Variants in LASP1 observed in about 807,000 individuals in gnomAD.
LASP1 encodes the protein LIM and SH3 domain protein 1.
In LASP1, 10 loss-of-function variants were observed where a neutral mutation model predicts 38.6. That is an observed-to-expected ratio of 0.26 (90% CI 0.16 to 0.44). The LOEUF (loss-of-function observed/expected upper bound fraction) is 0.44. LASP1 is among the 20% of genes least tolerant of loss of function. The pLI is 1.00. For synonymous variants in LASP1, 132 were observed against 140.8 expected (o/e 0.94, Z 0.44); for missense variants, 243 against 375.7 (o/e 0.65, Z 2.92).
At chr17:38,907,918 GA>G (rs1463221320) in intron 4 of LASP1, among the ~76,000 whole-genome samples, 2 of 152,182 alleles carry the variant, frequency 1.3e-5, no homozygotes, top group African/African-American at 4.8e-5. Flanking sequence ...CTTATTTACA[GA>G]TGAGGAAACT....
intron 2 of LASP1, among the ~76,000 whole-genome samples, chr17:38,887,694 G>A (rs1291601962): frequency 6.6e-6 from 1 of 152,188 alleles, no homozygotes; most frequent in African/African-American, 2.4e-5. Context: ...ACTGGCCCAA[G>A]GGAAAAAGGA....
Position 38,870,145 on chromosome 17 carries a change from A to G in LASP1, c.-45A>G. 1 of 1,606,098 alleles carries G rather than the reference A, an allele frequency of 6.2e-7. No individual in the cohort carries two copies. The highest frequency in any genetic ancestry group is 1.1e-5 in the South Asian group (1 of 90,920). On this transcript the variant is annotated 5_prime_UTR_variant, in exon 1 of 7. Transcript: ENST00000318008. The stretch of plus-strand genomic sequence containing the variant: ...CCGCCAGCTCGCCTCGGGGAACAGG[A>G]CGCGCGTGAGCTCAGGCGTCCCCGC...
In LASP1 at chr17:38,878,963, CTCCCA is replaced by C. The variant is rs539274809; in HGVS notation, c.164+805_164+809del. The stretch of plus-strand genomic sequence containing the variant: ...CCCAGAGCCTGGAGGAATACCTCCC[CTCCCA>C]TCCCATCCCATCCCATCCCATGCAA... On this transcript the variant is annotated intron_variant, in intron 2 of 6. Coordinates refer to ENST00000318008, the MANE Select transcript of LASP1 (RefSeq NM_006148.4). Among the ~76,000 whole-genome samples, 272 of 151,948 alleles carry C rather than the reference CTCCCA, an allele frequency of 1.8e-3. 2 individuals carry two copies. Among genetic ancestry groups the C allele is most frequent in the East Asian group, 0.012 (60 of 5,146 alleles).
intron 1 of LASP1, among the ~76,000 whole-genome samples, chr17:38,871,903 T>C (rs550408215): frequency 6.6e-6 from 1 of 152,202 alleles, no homozygotes; most frequent in East Asian, 1.9e-4. Context: ...AAGTCTCCCC[T>C]TGAGAATGTA....
At chr17:38,897,108 A>G (rs1223830670) in intron 3 of LASP1, 1 of 981,314 alleles carries the variant, frequency 1.0e-6, no homozygotes, top group South Asian at 4.7e-5. Context: ...TGGTGCCTCT[A>G]TCCACTGCAT....
chr17:38,889,383 G>A (rs1047948121), intron 2 of LASP1, among the ~76,000 whole-genome samples: 7 of 152,146 alleles, frequency 4.6e-5, no homozygotes, highest in Non-Finnish European at 8.8e-5. Flanking sequence ...GCCCGCCTCG[G>A]CCTCCCAAAG....
chr17:38,879,607 G>A (rs1598105084), intron 2 of LASP1, among the ~76,000 whole-genome samples: 1 of 142,628 alleles, frequency 7.0e-6, no homozygotes, highest in Non-Finnish European at 1.5e-5. Flanking sequence ...GAGGCTCTTT[G>A]CAGCTGAAGT....
chr17:38,874,128 G>T (rs1913688692), intron 1 of LASP1: 1 of 152,576 alleles, frequency 6.6e-6, no homozygotes, highest in South Asian at 2.1e-4. Context: ...GGTCTGTCTG[G>T]TTTCTGTGAA....
intron 2 of LASP1, among the ~76,000 whole-genome samples, chr17:38,878,652 T>C (rs891347168): frequency 6.6e-6 from 1 of 152,142 alleles, no homozygotes; most frequent in Non-Finnish European, 1.5e-5. Flanking sequence ...TTCTCTCACC[T>C]GGGTACTTCT....
At chr17:38,910,617 T>A (rs1294134021) in intron 4 of LASP1, among the ~76,000 whole-genome samples, 2 of 152,134 alleles carry the variant, frequency 1.3e-5, no homozygotes, top group Non-Finnish European at 2.9e-5. Context: ...AGAGCTTTTT[T>A]CCAAAATGCA....
intron 3 of LASP1, among the ~76,000 whole-genome samples, chr17:38,892,617 C>T (rs1567698993): frequency 6.6e-6 from 1 of 152,022 alleles, no homozygotes. Flanking sequence ...AATTCAAACC[C>T]CTCAGCCTTT....
chr17:38,914,453 C>T lies in LASP1; in HGVS notation c.486C>T (p.His162=). The change falls in exon 5 of 7, where the codon CAC becomes CAT. Residue 162 remains histidine, a synonymous_variant. Coordinates refer to ENST00000318008, the MANE Select transcript of LASP1 (RefSeq NM_006148.4). ...YRRPLEQQQP[H]HIPTSAPVYQ... ...GGCCCCTGGAGCAGCAGCAGCCTCA[C>T]CACATCCCGACCAGTGCCCCGGGTG... 1 of 1,608,896 alleles carries T rather than the reference C, an allele frequency of 6.2e-7. No individual in the cohort carries two copies. The highest frequency in any genetic ancestry group is 8.5e-7 in the Non-Finnish European group (1 of 1,178,492).
intron 6 of LASP1, chr17:38,915,938 C>T (rs1410392702): frequency 6.6e-6 from 1 of 152,196 alleles, no homozygotes; most frequent in Non-Finnish European, 1.5e-5. Flanking sequence ...ATAAAATCGC[C>T]TGAGATAATG....
At chr17:38,917,224 A>G (rs1018715667) in intron 6 of LASP1, among the ~76,000 whole-genome samples, 3 of 152,132 alleles carry the variant, frequency 2.0e-5, no homozygotes, top group African/African-American at 7.2e-5. Context: ...GGCTCAGCCC[A>G]AGATAGAGGC....
intron 2 of LASP1, among the ~76,000 whole-genome samples, chr17:38,882,170 C>T (rs1913972478): frequency 6.6e-6 from 1 of 152,212 alleles, no homozygotes. Flanking sequence ...AGCCATGCAG[C>T]CAATGCTGTG....
intron 4 of LASP1, among the ~76,000 whole-genome samples, chr17:38,910,628 T>C (rs1034067507): frequency 2.0e-5 from 3 of 152,064 alleles, no homozygotes; most frequent in African/African-American, 7.2e-5. Flanking sequence ...CCAAAATGCA[T>C]ATTCCAGAAC....
intron 4 of LASP1, among the ~76,000 whole-genome samples, chr17:38,903,251 G>C (rs1914693211): frequency 6.6e-6 from 1 of 152,180 alleles, no homozygotes; most frequent in Non-Finnish European, 1.5e-5. Flanking sequence ...GGGCCAGGCA[G>C]GGCTCTTTGA....
chr17:38,898,691 GT>G, intron 4 of LASP1, 172 bp downstream of exon 4: 5 of 675,064 alleles, frequency 7.4e-6, no homozygotes, highest in Non-Finnish European at 1.4e-5. Flanking sequence ...CCTCTTCTCT[GT>G]GTACCCCCAG....
intron 3 of LASP1, among the ~76,000 whole-genome samples, chr17:38,897,241 C>T (rs1253470031): frequency 6.6e-6 from 1 of 152,244 alleles, no homozygotes; most frequent in African/African-American, 2.4e-5. Flanking sequence ...AGGACTCTGA[C>T]CCCCACAGGC....
Sources: allele counts gnomAD v4.1 joint callset (sites outside exome capture counted in the v4.1 genomes callset), GRCh38; gene constraint gnomAD v4.1.1; transcripts MANE v1.5; gene names NCBI Gene and HGNC (gene_info 2026-07-23, HGNC 2026-07-21).